TVP23A: variants seen among roughly 807,000 people sequenced by gnomAD.
TVP23A encodes the protein trans-golgi network vesicle protein 23 homolog A, also known as Golgi apparatus membrane protein TVP23 homolog A.
TVP23A carries 21 observed loss-of-function variants against 31.7 expected under a neutral mutation model. The observed-to-expected ratio is 0.66, with a 90% CI of 0.47 to 0.95. The LOEUF (loss-of-function observed/expected upper bound fraction) is 0.95, where lower values mean the gene tolerates loss of function less well. Ranked by LOEUF, TVP23A falls within the 40% of genes least tolerant of loss-of-function variation. The pLI is 0.00. For synonymous variants in TVP23A, 104 were observed against 96.0 expected (o/e 1.08, Z -0.49); for missense variants, 279 against 255.6 (o/e 1.09, Z -0.62).
chr16:10,769,020 C>T lies in TVP23A; in HGVS notation c.*82G>A, dbSNP rs201978663. 2 of 1,612,436 alleles carry T rather than the reference C, an allele frequency of 1.2e-6. No homozygotes were observed. Among genetic ancestry groups the T allele is most frequent in the Non-Finnish European group, 1.7e-6 (2 of 1,178,458 alleles). On this transcript the variant is annotated 3_prime_UTR_variant, in exon 8 of 8. Coordinates refer to ENST00000299866, the MANE Select transcript of TVP23A (RefSeq NM_001079512.4). The stretch of plus-strand genomic sequence containing the variant: ...TCAAGGGGTAGACAAGCCATTAGCA[C>T]TCTATGCCTGTCGTCTTGTTTTCCA...
At chr16:10,762,585 TG>T, downstream of TVP23A, among the ~76,000 whole-genome samples, 1 of 152,108 alleles carries the variant, frequency 6.6e-6, no homozygotes, top group East Asian at 1.9e-4. Context: ...GGCCCTTTAG[TG>T]GGGCTCCTGC....
At chr16:10,805,675 C>T (rs866995725) in intron 2 of TVP23A, among the ~76,000 whole-genome samples, 119 of 151,224 alleles carry the variant, frequency 7.9e-4, no homozygotes, top group Middle Eastern at 3.4e-3. Flanking sequence ...TATCACATTC[C>T]GCTTTACTCT....
At chr16:10,758,789 G>T (rs910316080), downstream of TVP23A, among the ~76,000 whole-genome samples, 1 of 152,168 alleles carries the variant, frequency 6.6e-6, no homozygotes, top group African/African-American at 2.4e-5. Context: ...GGGATTTCGG[G>T]ATAAGCCACT....
At chr16:10,813,060 A>T (rs562580256) in intron 2 of TVP23A, among the ~76,000 whole-genome samples, 22 of 152,304 alleles carry the variant, frequency 1.4e-4, no homozygotes, top group African/African-American at 4.1e-4. Flanking sequence ...CCACCGCAAC[A>T]CTGCACCTCA....
chr16:10,793,377 G>T (rs971714381), intron 2 of TVP23A, among the ~76,000 whole-genome samples: 5 of 152,164 alleles, frequency 3.3e-5, no homozygotes, highest in African/African-American at 1.2e-4. Flanking sequence ...AGTTGGGGGG[G>T]TGCCTCTGGA....
intron 6 of TVP23A, among the ~76,000 whole-genome samples, chr16:10,771,391 C>T (rs2031609094): frequency 6.6e-6 from 1 of 151,954 alleles, no homozygotes; most frequent in Non-Finnish European, 1.5e-5. Context: ...AAAAAAAGGC[C>T]AGGCATGGTG....
downstream of TVP23A, chr16:10,763,590 T>C (rs1400373027): frequency 6.6e-6 from 1 of 152,392 alleles, no homozygotes. Flanking sequence ...GAAGTGGTGA[T>C]GAGAGCTGCC....
intron 2 of TVP23A, among the ~76,000 whole-genome samples, chr16:10,778,910 G>C (rs565609621): frequency 6.6e-6 from 1 of 152,216 alleles, no homozygotes; most frequent in African/African-American, 2.4e-5. Context: ...AGGTTGCAGT[G>C]AGCTGAGATT....
At chr16:10,799,493 C>G (rs533397394) in intron 2 of TVP23A, among the ~76,000 whole-genome samples, 1 of 152,294 alleles carries the variant, frequency 6.6e-6, no homozygotes, top group Non-Finnish European at 1.5e-5. Context: ...ACTACCACGC[C>G]TGACTAATTT....
rs61036988 is a variant in TVP23A at position 10,802,241 on chromosome 16, C to CGTGT, written c.89+15858_89+15861dup. Among the ~76,000 whole-genome samples the CGTGT allele has an allele frequency of 2.6e-3, 342 of 130,470 alleles. 1 individual carries two copies. The highest frequency in any genetic ancestry group is 3.3e-3 in the African/African-American group (108 of 32,652). 85.6% of individuals were successfully genotyped at this position (130,470 alleles called of 152,430 possible). On this transcript the variant is annotated intron_variant, in intron 2 of 7. Transcript: ENST00000299866. ...TCTGCATCCATGAGTTTATATGATA[C>CGTGT]GTGTGTGTGTGTGTGTGTGTGTGTG...
chr16:10,778,839 G>A (rs567705324), intron 2 of TVP23A, among the ~76,000 whole-genome samples: 17 of 152,190 alleles, frequency 1.1e-4, no homozygotes, highest in South Asian at 2.1e-4. Context: ...GATGGCAGGC[G>A]CCTGTAATCC....
intron 2 of TVP23A, among the ~76,000 whole-genome samples, chr16:10,809,210 C>T (rs766012235): frequency 2.0e-5 from 3 of 152,182 alleles, no homozygotes; most frequent in Non-Finnish European, 4.4e-5. Context: ...CAACATCAAC[C>T]CCATTTTACA....
chr16:10,763,231 G>T (rs1477942532), downstream of TVP23A, among the ~76,000 whole-genome samples: 1 of 152,056 alleles, frequency 6.6e-6, no homozygotes, highest in African/African-American at 2.4e-5. Context: ...GGAGAAGGTG[G>T]TTCATGTCCG....
rs113887233 is a variant in TVP23A at position 10,818,192 on chromosome 16, G to C, written c.10-10C>G. The C allele has an allele frequency of 6.3e-7, 1 of 1,599,498 alleles. No individual in the cohort carries two copies. The highest frequency in any genetic ancestry group is 1.3e-5 in the African/African-American group (1 of 74,758). On this transcript the variant is annotated splice_polypyrimidine_tract_variant and intron_variant, in intron 1 of 7. Transcript: ENST00000299866. The surrounding 1 kb of genome is among the most constrained non-coding windows in gnomAD (Gnocchi z 4.7). Reference sequence around the variant, plus strand: ...TATCGTCCACCAGGGCCTGGGAGGAGAGCAAGGGCAGGTGGCAGGCCCAAG... The same window carrying C: ...TATCGTCCACCAGGGCCTGGGAGGACAGCAAGGGCAGGTGGCAGGCCCAAG...
downstream of TVP23A, among the ~76,000 whole-genome samples, chr16:10,765,327 T>TAAA (rs533208449): frequency 2.5e-4 from 28 of 111,242 alleles, no homozygotes; most frequent in Non-Finnish European, 3.4e-4. This position sits in a 1 kb window ranked among gnomAD's most constrained non-coding sequence, Gnocchi z 4.0. Context: ...CCTCATCTCT[T>TAAA]AAAAAAAAAA....
chr16:10,813,999 C>CAAAAAAA (rs201277067), intron 2 of TVP23A, among the ~76,000 whole-genome samples: 3 of 49,520 alleles, frequency 6.1e-5, no homozygotes, highest in Non-Finnish European at 1.1e-4. Context: ...AACTCCATCT[C>CAAAAAAA]AAAAAAAAAA....
chr16:10,808,969 G>GCATAA, intron 2 of TVP23A, among the ~76,000 whole-genome samples: 1 of 152,286 alleles, frequency 6.6e-6, no homozygotes, highest in Non-Finnish European at 1.5e-5. Context: ...TGCCTTGAAA[G>GCATAA]CATAACATAA....
chr16:10,807,873 A>C (rs1381146341), intron 2 of TVP23A, among the ~76,000 whole-genome samples: 2 of 152,148 alleles, frequency 1.3e-5, no homozygotes, highest in African/African-American at 4.8e-5. Flanking sequence ...CAAGGGTTCA[A>C]ATCTCCTCTG....
chr16:10,812,431 C>T (rs1380929611), intron 2 of TVP23A, among the ~76,000 whole-genome samples: 1 of 152,166 alleles, frequency 6.6e-6, no homozygotes. Flanking sequence ...GAATTGAAAG[C>T]AGAATCTCAA....
Sources: gnomAD v4.1 joint callset for allele counts (sites outside exome capture counted in the v4.1 genomes callset) on GRCh38, gnomAD v4.1.1 for gene constraint, Gnocchi (gnomAD v3.1) non-coding constraint, MANE v1.5 for transcripts, NCBI Gene and HGNC (gene_info 2026-07-23, HGNC 2026-07-21) for gene names.